The following WDR27 variants were observed in gnomAD, a reference collection of about 807,000 sequenced individuals.
WDR27 encodes WD repeat domain 27, also known as WD repeat-containing protein 27.
A neutral mutation model predicts 114.4 loss-of-function variants in WDR27; 100 were observed. That is an observed-to-expected ratio of 0.87 (90% confidence interval 0.74 to 1.03). The LOEUF is 1.03. WDR27 is among the 50% of genes least tolerant of loss of function. WDR27 has a pLI of 0.00. For missense variants in WDR27, 1,129 were observed against 1,092.9 expected (o/e 1.03, Z -0.47); for synonymous variants, 449 against 423.1 (o/e 1.06, Z -0.75).
chr6:169,696,565 C>T (rs762637988), intron 1 of WDR27, among the ~76,000 whole-genome samples: 1 of 152,174 alleles, frequency 6.6e-6, no homozygotes, highest in African/African-American at 2.4e-5. Flanking sequence ...AAAGACAATC[C>T]GAAGACCTGA....
At chr6:169,664,832 G>A (rs1827321170) in intron 7 of WDR27, 2 of 992,800 alleles carry the variant, frequency 2.0e-6, no homozygotes, top group Non-Finnish European at 1.2e-6. Context: ...AAAGATGACA[G>A]GAAAGGGGAG....
intron 21 of WDR27, among the ~76,000 whole-genome samples, chr6:169,614,602 C>T (rs182143364): frequency 5.2e-4 from 79 of 151,832 alleles, no homozygotes; most frequent in African/African-American, 1.7e-3. Context: ...GCAGGAGAAT[C>T]GCTTCAACCC....
At chr6:169,439,797 G>C in the WDR27 span, among the ~76,000 whole-genome samples, 1 of 150,884 alleles carries the variant, frequency 6.6e-6, no homozygotes, top group African/African-American at 2.5e-5. Flanking sequence ...AACTATTCAT[G>C]AGTTTTTTAT....
the WDR27 span, among the ~76,000 whole-genome samples, chr6:169,434,280 G>T: frequency 1.3e-5 from 2 of 152,122 alleles, no homozygotes. Flanking sequence ...TGTAAGGAAG[G>T]GGTTCAGTTT....
At chr6:169,530,938 C>T (rs1795515357) in intron 25 of WDR27, among the ~76,000 whole-genome samples, 1 of 152,188 alleles carries the variant, frequency 6.6e-6, no homozygotes, top group Admixed American at 6.5e-5. Context: ...TGTTAAAAAG[C>T]TGATGTCTGG....
intron 25 of WDR27, among the ~76,000 whole-genome samples, chr6:169,489,505 C>A (rs1294811268): frequency 6.6e-6 from 1 of 152,158 alleles, no homozygotes; most frequent in East Asian, 1.9e-4. Flanking sequence ...GCAGTCAAGG[C>A]CGTCGCCCGC....
intron 23 of WDR27, among the ~76,000 whole-genome samples, chr6:169,585,471 A>G (rs943928108): frequency 3.9e-5 from 6 of 152,198 alleles, no homozygotes; most frequent in Admixed American, 3.3e-4. Flanking sequence ...CTTGAGCAAC[A>G]TGGTGGCTAG....
chr6:169,511,100 A>G (rs1373221794), intron 25 of WDR27, among the ~76,000 whole-genome samples: 5 of 152,226 alleles, frequency 3.3e-5, no homozygotes, highest in African/African-American at 9.6e-5. Flanking sequence ...CTCAAGCCAC[A>G]GTTCCAGTTC....
At chr6:169,615,938 A>G (rs975897139) in intron 21 of WDR27, among the ~76,000 whole-genome samples, 5 of 124,560 alleles carry the variant, frequency 4.0e-5, no homozygotes, top group Admixed American at 2.0e-4. Flanking sequence ...ATTTTAAGAA[A>G]AGTTCTGAAA....
intron 21 of WDR27, among the ~76,000 whole-genome samples, chr6:169,628,474 G>A (rs145041115): frequency 1.7e-4 from 26 of 152,292 alleles, no homozygotes; most frequent in Admixed American, 4.6e-4. Context: ...ACACCACACG[G>A]CTTTCAGTGC....
At chr6:169,632,869 C>A in intron 21 of WDR27, 78 bp downstream of exon 21, 1 of 1,310,664 alleles carries the variant, frequency 7.6e-7, no homozygotes. Flanking sequence ...TATAAAATGG[C>A]ATCATACATT....
At chr6:169,427,463 G>A in the WDR27 span, among the ~76,000 whole-genome samples, 1 of 152,088 alleles carries the variant, frequency 6.6e-6, no homozygotes. Flanking sequence ...GAAACTGAAA[G>A]GAATGTTCAT....
chr6:169,676,179 C>G (rs1210379478), intron 2 of WDR27, among the ~76,000 whole-genome samples: 1 of 152,066 alleles, frequency 6.6e-6, no homozygotes, highest in Non-Finnish European at 1.5e-5. Flanking sequence ...CCTGCAGAAC[C>G]ATGAGCCAAT....
the WDR27 span, among the ~76,000 whole-genome samples, chr6:169,440,527 T>C: frequency 2.6e-5 from 4 of 152,142 alleles, no homozygotes; most frequent in Non-Finnish European, 5.9e-5. Context: ...GTAGGCAACT[T>C]TTCCCAAGAG....
chr6:169,449,488 G>C, the WDR27 span, among the ~76,000 whole-genome samples: 285 of 152,182 alleles, frequency 1.9e-3, 2 homozygotes, highest in African/African-American at 6.6e-3. Flanking sequence ...AGGGGAACAC[G>C]TCGACCCTAG....
At chr6:169,498,339 C>T (rs949384066) in intron 25 of WDR27, among the ~76,000 whole-genome samples, 2 of 151,968 alleles carry the variant, frequency 1.3e-5, no homozygotes, top group East Asian at 1.9e-4. Context: ...TTCAATTTTA[C>T]AAGATTAAAA....
chr6:169,595,631 A>G (rs1806631677), intron 23 of WDR27, among the ~76,000 whole-genome samples: 1 of 152,222 alleles, frequency 6.6e-6, no homozygotes, highest in South Asian at 2.1e-4. Context: ...CACATCTCCC[A>G]GTTTTGTACT....
At chr6:169,560,295 C>T (rs982906132) in intron 25 of WDR27, among the ~76,000 whole-genome samples, 2 of 152,196 alleles carry the variant, frequency 1.3e-5, no homozygotes, top group Admixed American at 6.5e-5. Flanking sequence ...TTTTACCCTC[C>T]GCCATGTCTG....
At chr6:169,666,530 G>A (rs1827867957) in intron 6 of WDR27, 2 of 985,522 alleles carry the variant, frequency 2.0e-6, no homozygotes, top group Non-Finnish European at 2.4e-6. Context: ...GATGCCAGGA[G>A]GACAAGCACA....
Sources: allele counts gnomAD v4.1 joint callset (sites outside exome capture counted in the v4.1 genomes callset), GRCh38; gene constraint gnomAD v4.1.1; transcripts MANE v1.5; gene names NCBI Gene and HGNC (gene_info 2026-07-23, HGNC 2026-07-21).